The following TMEM164 variants were observed in gnomAD, a reference collection of about 807,000 sequenced individuals.
The protein encoded by TMEM164 is RP13-360B22.2.
TMEM164 carries 4 observed loss-of-function variants against 18.8 expected under a neutral mutation model. The ratio of observed to expected loss-of-function variants is 0.21; its 90% CI spans 0.10 to 0.49. The LOEUF (loss-of-function observed/expected upper bound fraction) is 0.49, where lower values mean the gene tolerates loss of function less well. TMEM164 is among the 20% of genes least tolerant of loss of function. The probability of loss-of-function intolerance (pLI) is 0.98; values close to 1 mark genes in which losing one functional copy is unlikely to be tolerated. For missense variants in TMEM164, 108 were observed against 239.9 expected, an observed-to-expected ratio of 0.45 and a Z score of 3.63; for synonymous variants, 86 against 101.7, an observed-to-expected ratio of 0.85 and a Z score of 0.93.
At chrX:110,067,614 C>A (rs191683603) in intron 3 of TMEM164, among the ~76,000 whole-genome samples, 1 of 112,068 alleles carries the variant, frequency 8.9e-6, no homozygotes, top group East Asian at 2.8e-4. Flanking sequence ...TTTAGCAAAT[C>A]CTTCCAGTAG....
intron 2 of TMEM164, among the ~76,000 whole-genome samples, chrX:110,031,283 AT>A (rs1183242930): frequency 3.6e-5 from 4 of 111,505 alleles, no homozygotes; most frequent in Non-Finnish European, 7.5e-5. Flanking sequence ...TATGTGCCAC[AT>A]TTTCTTTATC....
chrX:110,140,825 A>G (rs772367230), intron 4 of TMEM164, among the ~76,000 whole-genome samples: 21 of 112,579 alleles, frequency 1.9e-4, no homozygotes, highest in African/African-American at 6.8e-4. Context: ...AATTCCAGGT[A>G]TGAGTTCTCT....
intron 2 of TMEM164, among the ~76,000 whole-genome samples, chrX:110,057,472 G>T (rs1392612189): frequency 9.1e-6 from 1 of 109,557 alleles, no homozygotes; most frequent in East Asian, 2.8e-4. Flanking sequence ...TAGGAGTGCA[G>T]ATATCCCTTT....
intron 3 of TMEM164, among the ~76,000 whole-genome samples, chrX:110,106,725 C>T (rs892348961): frequency 9.0e-6 from 1 of 111,433 alleles, no homozygotes; most frequent in African/African-American, 3.3e-5. Context: ...TTCCCTCTCC[C>T]AGAGTGAGTC....
chrX:110,021,594 G>C (rs757858464), intron 2 of TMEM164, among the ~76,000 whole-genome samples: 4 of 111,477 alleles, frequency 3.6e-5, no homozygotes, highest in Non-Finnish European at 5.7e-5. Flanking sequence ...GACACTCATT[G>C]CTATGAGGAA....
chrX:110,026,450 T>C (rs1934194743), intron 2 of TMEM164, among the ~76,000 whole-genome samples: 1 of 111,335 alleles, frequency 9.0e-6, no homozygotes, highest in Admixed American at 9.6e-5. Flanking sequence ...GTAGGTTTCA[T>C]TGGCTCTTAT....
Position 110,044,593 on chromosome X carries a change from CTTTTTTTTTTTTTTTT to C in TMEM164, c.391-22740_391-22725del, listed in dbSNP as rs56400284. 2.2e-4 allele frequency among the ~76,000 whole-genome samples: 8 copies of C among 35,960 alleles called. No individual in the cohort carries two copies. In the East Asian group the frequency reaches 7.1e-3, roughly 32 times the overall value. 31.2% of individuals were successfully genotyped at this position (35,960 alleles called of 115,157 possible). The stretch of plus-strand genomic sequence containing the variant: ...TAGCGGGGACTGCCACCATTCCTTG[CTTTTTTTTTTTTTTTT>C]TTTTTTTTTTTTTACTTTTTTTCTA... On this transcript the variant is annotated intron_variant, in intron 2 of 6. Transcript: ENST00000372068.
At chrX:110,049,376 G>C (rs1279290774) in intron 2 of TMEM164, among the ~76,000 whole-genome samples, 1 of 110,873 alleles carries the variant, frequency 9.0e-6, no homozygotes, top group Non-Finnish European at 1.9e-5. Flanking sequence ...GGACTGAGGT[G>C]GGGGGTGGGG....
At chrX:110,110,656 T>A (rs923246780) in intron 4 of TMEM164, among the ~76,000 whole-genome samples, 1 of 112,365 alleles carries the variant, frequency 8.9e-6, no homozygotes, top group Non-Finnish European at 1.9e-5. Context: ...ATGAGGCTTG[T>A]CAGGCCCCAT....
In TMEM164 at chrX:110,148,579, G is replaced by A. The variant is rs760227618; in HGVS notation, c.586+3703G>A. 5.5e-5 allele frequency among the ~76,000 whole-genome samples: 6 copies of A among 108,516 alleles called. No individual in the cohort carries two copies. The East Asian group carries it at 8.6e-4, about 16-fold the overall frequency. 94.2% of individuals were successfully genotyped at this position (108,516 alleles called of 115,157 possible). On this transcript the variant is annotated intron_variant, in intron 5 of 6. Transcript: ENST00000372068. Reference sequence around the variant, plus strand: ...GGCTGGAGTACAGTGGTGCAATCACGACTCATTGCAGCCTCAACCTCCTGG... The same window carrying A: ...GGCTGGAGTACAGTGGTGCAATCACAACTCATTGCAGCCTCAACCTCCTGG...
intron 2 of TMEM164, among the ~76,000 whole-genome samples, chrX:110,040,603 A>G (rs1487911988): frequency 8.9e-6 from 1 of 111,869 alleles, no homozygotes; most frequent in Non-Finnish European, 1.9e-5. Context: ...AAAAGAACTG[A>G]ATGAATCTTT....
intron 5 of TMEM164, among the ~76,000 whole-genome samples, chrX:110,149,296 A>G (rs1329335031): frequency 9.0e-6 from 1 of 111,459 alleles, no homozygotes; most frequent in African/African-American, 3.3e-5. Flanking sequence ...TTTTCTTCTC[A>G]ATTACCCTTT....
chrX:110,165,303 A>C (rs1019452748), intron 5 of TMEM164, among the ~76,000 whole-genome samples: 5 of 112,931 alleles, frequency 4.4e-5, no homozygotes, highest in African/African-American at 1.6e-4. Context: ...TGAGGAACCA[A>C]AGTTTTAATT....
At chrX:110,094,315 G>A (rs902338118) in intron 3 of TMEM164, among the ~76,000 whole-genome samples, 7 of 111,709 alleles carry the variant, frequency 6.3e-5, no homozygotes, top group Non-Finnish European at 1.3e-4. Flanking sequence ...TTGTGTGGGA[G>A]TCTAAGTCTC....
At chrX:110,077,043 C>G (rs1254354138) in intron 3 of TMEM164, among the ~76,000 whole-genome samples, 1 of 111,644 alleles carries the variant, frequency 9.0e-6, no homozygotes, top group Non-Finnish European at 1.9e-5. Flanking sequence ...CTGTCTAACA[C>G]CATAGTGGAG....
intron 2 of TMEM164, chrX:110,055,476 C>A (rs1423106883): frequency 5.8e-6 from 1 of 172,026 alleles, no homozygotes; most frequent in Non-Finnish European, 1.2e-5. Context: ...CTTTCTTCAT[C>A]AAGGTACCAG....
At chrX:110,141,551 A>G (rs755066861) in intron 4 of TMEM164, among the ~76,000 whole-genome samples, 5 of 111,734 alleles carry the variant, frequency 4.5e-5, no homozygotes, top group African/African-American at 9.8e-5. Context: ...ATCAGATCTC[A>G]TGAGACTTAT....
intron 2 of TMEM164, among the ~76,000 whole-genome samples, chrX:110,051,593 A>AAAAAGAAAGAAAG (rs1555991740): frequency 2.9e-5 from 3 of 102,960 alleles, no homozygotes; most frequent in African/African-American, 1.0e-4. Context: ...CAAAAAAAAA[A>AAAAAGAAAGAAAG]AAAGAAAGAA....
chrX:110,015,465 A>T (rs1008621016), intron 2 of TMEM164, among the ~76,000 whole-genome samples: 2 of 112,013 alleles, frequency 1.8e-5, no homozygotes, highest in Non-Finnish European at 3.8e-5. Context: ...GGAAGATTGT[A>T]ACAAAGGGTC....
Sources: gnomAD v4.1 joint callset for allele counts (sites outside exome capture counted in the v4.1 genomes callset) on GRCh38, gnomAD v4.1.1 for gene constraint, MANE v1.5 for transcripts, NCBI Gene and HGNC (gene_info 2026-07-23, HGNC 2026-07-21) for gene names.